ARSG: variants seen among roughly 807,000 people sequenced by gnomAD.
ARSG encodes arylsulfatase G, also known as ASG.
Under a neutral mutation model 50.5 loss-of-function variants are expected in ARSG, and 37 were observed. The observed-to-expected ratio is 0.73, with a 90% CI of 0.56 to 0.96. The LOEUF is 0.96. Among genes scored for constraint, ARSG ranks in the 50% least tolerant of loss-of-function variants. The pLI, the probability that ARSG is intolerant of heterozygous loss-of-function variation, is 0.00. For missense variants in ARSG, 629 were observed against 675.3 expected (o/e 0.93, Z 0.76); for synonymous variants, 225 against 254.6 (o/e 0.88, Z 1.11).
intron 1 of ARSG, among the ~76,000 whole-genome samples, chr17:68,299,785 C>G (rs1172807713): frequency 6.6e-6 from 1 of 152,002 alleles, no homozygotes; most frequent in Non-Finnish European, 1.5e-5. Context: ...TAATGGAGGA[C>G]ATTTGAACTC....
the ARSG span, chr17:68,450,606 T>C: frequency 7.7e-7 from 1 of 1,304,804 alleles, no homozygotes; most frequent in Non-Finnish European, 1.1e-6. Context: ...GGGGCCTGAG[T>C]GTTAACATTC....
intron 1 of ARSG, among the ~76,000 whole-genome samples, chr17:68,297,487 A>G (rs1472564904): frequency 6.6e-6 from 1 of 152,140 alleles, no homozygotes; most frequent in Non-Finnish European, 1.5e-5. Flanking sequence ...GCGTGTTTGT[A>G]GCTTCTGTCT....
Position 68,370,965 on chromosome 17 carries a change from T to C in ARSG, c.982+441T>C, listed in dbSNP as rs539827825. 1.2e-4 allele frequency among the ~76,000 whole-genome samples: 16 copies of C among 129,986 alleles called. 1 individual carries two copies. The highest frequency in any genetic ancestry group is 3.5e-4 in the African/African-American group (14 of 39,582). The allele number at this position is 129,986 out of a possible 152,430, so 85.3% of individuals were successfully genotyped here. Reference sequence around the variant, plus strand: ...AACTGTACAAGGTTTTTAATGTACATTGTCTCCAGTTCTTACAAGAGTGAG... The same window carrying C: ...AACTGTACAAGGTTTTTAATGTACACTGTCTCCAGTTCTTACAAGAGTGAG... On this transcript the variant is annotated intron_variant, in intron 8 of 11. Coordinates refer to ENST00000621439, the MANE Select transcript of ARSG (RefSeq NM_001267727.2).
intron 6 of ARSG, among the ~76,000 whole-genome samples, chr17:68,359,970 C>A (rs8075828): frequency 0.014 from 2,174 of 152,244 alleles, 55 homozygotes; most frequent in African/African-American, 0.05. Context: ...TGCCCCATGG[C>A]ACGTGGATGC....
At chr17:68,361,076 C>G (rs530675349) in intron 6 of ARSG, among the ~76,000 whole-genome samples, 3 of 152,154 alleles carry the variant, frequency 2.0e-5, no homozygotes, top group Admixed American at 6.5e-5. Context: ...CTACCTGCCT[C>G]GGCCTCCCAA....
At chr17:68,345,470 A>G (rs1599808892) in intron 3 of ARSG, among the ~76,000 whole-genome samples, 1 of 152,138 alleles carries the variant, frequency 6.6e-6, no homozygotes, top group Non-Finnish European at 1.5e-5. Flanking sequence ...CCCAGTAAGC[A>G]ACTGTTTGCA....
the ARSG span, among the ~76,000 whole-genome samples, chr17:68,451,401 T>A: frequency 6.6e-6 from 1 of 152,072 alleles, no homozygotes; most frequent in East Asian, 1.9e-4. Flanking sequence ...AACACTGCAC[T>A]CCAGCCTGGG....
At chr17:68,288,244 C>T (rs772333976), upstream of ARSG, among the ~76,000 whole-genome samples, 2 of 152,086 alleles carry the variant, frequency 1.3e-5, no homozygotes, top group Non-Finnish European at 2.9e-5. Context: ...TTGTGATCCG[C>T]CCGCCTCAGC....
chr17:68,368,563 C>T lies in ARSG; in HGVS notation c.720C>T (p.Pro240=), dbSNP rs1329139217. 2 of 1,613,810 alleles carry T rather than the reference C, an allele frequency of 1.2e-6. No individual in the cohort carries two copies. The highest frequency in any genetic ancestry group is 1.3e-5 in the African/African-American group (1 of 74,936). Residue 240 remains proline, a synonymous_variant, in exon 7 of 12, where the codon CCC becomes CCT. Coordinates refer to ENST00000621439, the MANE Select transcript of ARSG (RefSeq NM_001267727.2). ...FIQRASTSGR[P]FLLYVALAHM... ...CCTGTTTCAGCACCAGCGGGAGGCC[C>T]TTCCTGCTCTATGTGGCTCTGGCCC...
At chr17:68,301,987 A>G (rs1355410121) in intron 1 of ARSG, among the ~76,000 whole-genome samples, 1 of 151,880 alleles carries the variant, frequency 6.6e-6, no homozygotes, top group Admixed American at 6.6e-5. Context: ...TCTTCACGCT[A>G]TTTACATTTT....
Position 68,367,975 on chromosome 17 carries a change from C to T in ARSG, c.705-573C>T, listed in dbSNP as rs1394125151. Among the ~76,000 whole-genome samples the T allele has an allele frequency of 1.3e-5, 2 of 152,060 alleles. No individual in the cohort carries two copies. The highest frequency in any genetic ancestry group is 1.3e-4 in the Admixed American group (2 of 15,256). On this transcript the variant is annotated intron_variant, in intron 6 of 11. Transcript: ENST00000621439. This position sits in a 1 kb window ranked among gnomAD's most constrained non-coding sequence, Gnocchi z 4.5. ...ATTCCAGCTACTCAGGAGGCTGAGG[C>T]GGGAGTATCGCTTGAACCCAGGAGG...
chr17:68,340,431 T>A (rs538231859), intron 2 of ARSG, among the ~76,000 whole-genome samples: 11 of 152,046 alleles, frequency 7.2e-5, no homozygotes, highest in Admixed American at 2.0e-4. Flanking sequence ...ATCACAGGCG[T>A]GTGCCACCAT....
Position 68,283,553 on chromosome 17 carries a change from T to A in ARSG, c.-551-23390T>A, listed in dbSNP as rs1369417272. ...AAAAAAAAAGGCTGGGCACGGCGGCTCACGCCTGTAATCCCAGCACACTTT... is the reference window on the plus strand; with the variant it reads ...AAAAAAAAAGGCTGGGCACGGCGGCACACGCCTGTAATCCCAGCACACTTT... On this transcript the variant is annotated intron_variant, in intron 1 of 11. Transcript: ENST00000448504. Among the ~76,000 whole-genome samples the A allele has an allele frequency of 2.0e-5, 3 of 147,436 alleles. No homozygotes were observed. The East Asian group carries it at 6.1e-4, about 30-fold the overall frequency.
intron 11 of ARSG, among the ~76,000 whole-genome samples, chr17:68,407,401 G>A (rs555449903): frequency 1.3e-5 from 2 of 152,056 alleles, no homozygotes; most frequent in Non-Finnish European, 2.9e-5. Flanking sequence ...GAAGAATGAT[G>A]GTGGTATTTT....
At chr17:68,339,748 C>T (rs974391749) in intron 2 of ARSG, among the ~76,000 whole-genome samples, 1 of 152,170 alleles carries the variant, frequency 6.6e-6, no homozygotes, top group Non-Finnish European at 1.5e-5. Flanking sequence ...ACGCTTTTGG[C>T]AAGAATCCTT....
intron 2 of ARSG, among the ~76,000 whole-genome samples, chr17:68,312,840 G>A (rs2076919354): frequency 6.6e-6 from 1 of 152,170 alleles, no homozygotes; most frequent in Non-Finnish European, 1.5e-5. Context: ...GCCCAACAGG[G>A]TCTGGGGTGA....
At chr17:68,281,573 CAAAT>C (rs549607371) in intron 1 of ARSG, among the ~76,000 whole-genome samples, 33 of 151,748 alleles carry the variant, frequency 2.2e-4, no homozygotes, top group Admixed American at 1.1e-3. Flanking sequence ...GACTCTGTCT[CAAAT>C]AAATAAATAA....
intron 8 of ARSG, among the ~76,000 whole-genome samples, chr17:68,375,325 G>A (rs1006398596): frequency 6.6e-6 from 1 of 152,184 alleles, no homozygotes; most frequent in African/African-American, 2.4e-5. Context: ...GGTTATCAAA[G>A]TGTGGTCCCT....
chr17:68,426,104 A>G, downstream of ARSG: 1 of 1,612,732 alleles, frequency 6.2e-7, no homozygotes, highest in South Asian at 1.1e-5. Context: ...TCATCAAGAC[A>G]CACTGGTCCC....
Sources: allele counts gnomAD v4.1 joint callset (sites outside exome capture counted in the v4.1 genomes callset), GRCh38; gene constraint gnomAD v4.1.1; non-coding constraint Gnocchi (gnomAD v3.1); transcripts MANE v1.5; gene names NCBI Gene and HGNC (gene_info 2026-07-23, HGNC 2026-07-21).